Variants in LAMA2 observed in about 807,000 individuals in gnomAD.
LAMA2 encodes laminin subunit alpha 2.
In LAMA2, 269 loss-of-function variants were observed where a neutral mutation model predicts 364.8. That is an observed-to-expected ratio of 0.74 (90% CI 0.67 to 0.82). LAMA2 has a LOEUF of 0.82. Ranked by LOEUF, LAMA2 falls within the 40% of genes least tolerant of loss-of-function variation. The pLI, the probability that LAMA2 is intolerant of heterozygous loss-of-function variation, is 0.00. For missense variants in LAMA2, 3,807 were observed against 3,873.2 expected (o/e 0.98, Z 0.45); for synonymous variants, 1,379 against 1,370.6 (o/e 1.01, Z -0.14).
chr6:128,901,599 G>T (rs1230999705), intron 1 of LAMA2, among the ~76,000 whole-genome samples: 1 of 152,124 alleles, frequency 6.6e-6, no homozygotes, highest in Non-Finnish European at 1.5e-5. Context: ...TGGTGAAAAA[G>T]GAAGCTAATT....
chr6:129,513,011 T>G (rs945477462), intron 63 of LAMA2, among the ~76,000 whole-genome samples: 1 of 152,188 alleles, frequency 6.6e-6, no homozygotes, highest in Non-Finnish European at 1.5e-5. Context: ...AGTGTGTCAG[T>G]TTGATAATAA....
intron 62 of LAMA2, 35 bp from the exon 63 acceptor site, chr6:129,512,328 C>G (rs1207108260): frequency 6.2e-7 from 1 of 1,605,782 alleles, no homozygotes; most frequent in Non-Finnish European, 8.5e-7. Flanking sequence ...TCCCCATCCT[C>G]TAATCCAAAA....
intron 4 of LAMA2, among the ~76,000 whole-genome samples, chr6:129,131,008 A>G (rs1459466416): frequency 6.6e-6 from 1 of 152,170 alleles, no homozygotes; most frequent in Non-Finnish European, 1.5e-5. Context: ...TCTTTTTGCT[A>G]AGAAAGAACG....
intron 55 of LAMA2, among the ~76,000 whole-genome samples, chr6:129,481,776 T>A (rs1010451996): frequency 6.6e-6 from 1 of 152,200 alleles, no homozygotes; most frequent in African/African-American, 2.4e-5. Flanking sequence ...CAAGTCCGAC[T>A]CCTTACCAAA....
chr6:129,440,743 C>T (rs1782065533), intron 42 of LAMA2, 73 bp from the exon 43 acceptor site: 1 of 1,343,216 alleles, frequency 7.4e-7, no homozygotes, highest in Non-Finnish European at 1.1e-6. Context: ...CACAGCCTCG[C>T]TTTGTCAAGC....
At chr6:129,385,584 G>A (rs1438861732) in intron 35 of LAMA2, among the ~76,000 whole-genome samples, 1 of 152,018 alleles carries the variant, frequency 6.6e-6, no homozygotes, top group Non-Finnish European at 1.5e-5. Flanking sequence ...CTTTCATTAT[G>A]AGTCATGACC....
At chr6:129,277,683 A>G (rs1238603124) in intron 17 of LAMA2, among the ~76,000 whole-genome samples, 1 of 152,184 alleles carries the variant, frequency 6.6e-6, no homozygotes, top group East Asian at 1.9e-4. Flanking sequence ...CTTGGTTAAG[A>G]AAAACTGTGC....
In LAMA2 at chr6:129,154,545, T is replaced by C. The variant is rs1778992286; in HGVS notation, c.1068T>C (p.Asp356=). The stretch of plus-strand genomic sequence containing the variant: ...GAAAAGCTGAAGAATGCTATTATGA[T>C]GAAAATGTTGCCAGAAGAAATCTGA... ...CHGKAEECYY[D]ENVARRNLSL... The change falls in exon 8 of 65, where the codon GAT becomes GAC. Residue 356 remains aspartate (D), a synonymous_variant. Coordinates refer to ENST00000421865, the MANE Select transcript of LAMA2 (RefSeq NM_000426.4). The C allele has an allele frequency of 6.2e-7, 1 of 1,614,054 alleles. No homozygotes were observed. The highest frequency in any genetic ancestry group is 8.5e-7 in the Non-Finnish European group (1 of 1,179,914).
intron 62 of LAMA2, among the ~76,000 whole-genome samples, chr6:129,511,924 T>C (rs1013707795): frequency 6.6e-6 from 1 of 152,088 alleles, no homozygotes; most frequent in African/African-American, 2.4e-5. Context: ...CACTAAAACT[T>C]TACTGAAAAA....
At chr6:129,056,466 G>C (rs1415953711) in intron 2 of LAMA2, among the ~76,000 whole-genome samples, 3 of 151,944 alleles carry the variant, frequency 2.0e-5, no homozygotes, top group African/African-American at 7.3e-5. Context: ...ATGATGATTT[G>C]GTGGAAAATA....
chr6:129,157,781 T>C, intron 8 of LAMA2: 1 of 1,613,112 alleles, frequency 6.2e-7, no homozygotes, highest in Non-Finnish European at 8.5e-7. Flanking sequence ...CCACGATCCC[T>C]CCTGTGATAC....
At chr6:129,163,067 A>C (rs1262680235) in intron 8 of LAMA2, among the ~76,000 whole-genome samples, 2 of 152,004 alleles carry the variant, frequency 1.3e-5, no homozygotes, top group East Asian at 1.9e-4. Context: ...CTATAAATTG[A>C]GATTTTATTC....
chr6:129,210,931 C>T lies in LAMA2; in HGVS notation c.1782+18078C>T, dbSNP rs114906963. On this transcript the variant is annotated intron_variant, in intron 12 of 64. Transcript: ENST00000421865. ...GTAGGGCTGGTGCTTGTTACAGTGGCCAGTAGGCCTGGTTTCTGGTTATAG... is the reference window on the plus strand; with the variant it reads ...GTAGGGCTGGTGCTTGTTACAGTGGTCAGTAGGCCTGGTTTCTGGTTATAG... Among the ~76,000 whole-genome samples the T allele has an allele frequency of 4.1e-3, 631 of 152,078 alleles. 3 individuals are homozygous for T. The highest frequency in any genetic ancestry group is 0.014 in the African/African-American group (601 of 41,470).
chr6:129,046,455 A>G (rs543853675), intron 1 of LAMA2, among the ~76,000 whole-genome samples: 1 of 152,320 alleles, frequency 6.6e-6, no homozygotes, highest in East Asian at 1.9e-4. Context: ...ACTGCACTTT[A>G]TAAAATCGCC....
At chr6:129,466,363 G>C (rs1783542624) in intron 51 of LAMA2, among the ~76,000 whole-genome samples, 1 of 151,910 alleles carries the variant, frequency 6.6e-6, no homozygotes, top group South Asian at 2.1e-4. Context: ...AGCTGGATGA[G>C]GAGTTAGCTG....
intron 22 of LAMA2, among the ~76,000 whole-genome samples, chr6:129,311,384 G>T (rs1340953907): frequency 6.6e-6 from 1 of 152,094 alleles, no homozygotes; most frequent in Non-Finnish European, 1.5e-5. Flanking sequence ...GCCTCCCAAA[G>T]TGCTGGGATT....
At chr6:129,134,377 T>A (rs1777664079) in intron 4 of LAMA2, among the ~76,000 whole-genome samples, 1 of 152,254 alleles carries the variant, frequency 6.6e-6, no homozygotes, top group South Asian at 2.1e-4. Flanking sequence ...AGCTTTTACT[T>A]ACTAAAGTAC....
intron 12 of LAMA2, among the ~76,000 whole-genome samples, chr6:129,235,661 C>A (rs1233852558): frequency 6.6e-6 from 1 of 152,152 alleles, no homozygotes; most frequent in East Asian, 1.9e-4. Context: ...ACAGTTTGTA[C>A]TCCTTTGTTC....
chr6:129,311,375 C>A (rs1380275185), intron 22 of LAMA2, among the ~76,000 whole-genome samples: 3 of 152,164 alleles, frequency 2.0e-5, no homozygotes, highest in Non-Finnish European at 4.4e-5. Context: ...CCCTCCTCGG[C>A]CTCCCAAAGT....
Sources: allele counts gnomAD v4.1 joint callset (sites outside exome capture counted in the v4.1 genomes callset), GRCh38; gene constraint gnomAD v4.1.1; transcripts MANE v1.5; gene names NCBI Gene and HGNC (gene_info 2026-07-23, HGNC 2026-07-21).